Variants in LGSN observed in about 807,000 individuals in gnomAD.
The protein encoded by LGSN is lengsin, lens protein with glutamine synthetase domain, also known as lengsin.
LGSN carries 21 observed loss-of-function variants against 19.5 expected under a neutral mutation model. The observed-to-expected ratio is 1.07, with a 90% confidence interval of 0.76 to 1.55. LGSN has a LOEUF of 1.55. Ranked by LOEUF, LGSN falls within the 40% of genes most tolerant of loss-of-function variation. The pLI, the probability that LGSN is intolerant of heterozygous loss-of-function variation, is 0.00. For synonymous variants in LGSN, 257 were observed against 215.6 expected (o/e 1.19, Z -1.68); for missense variants, 673 against 608.5 (o/e 1.11, Z -1.12).
intron 3 of LGSN, among the ~76,000 whole-genome samples, chr6:63,282,162 T>C (rs1767345650): frequency 1.3e-5 from 2 of 152,184 alleles, no homozygotes; most frequent in African/African-American, 4.8e-5. Flanking sequence ...GGTTATTAAG[T>C]TGAACAGACA....
At chr6:63,495,475 T>TTTTTGTTTTTC in the LGSN span, among the ~76,000 whole-genome samples, 3 of 148,788 alleles carry the variant, frequency 2.0e-5, no homozygotes. Flanking sequence ...TTTTTTTTTT[T>TTTTTGTTTTTC]TGAGATGGAG....
chr6:63,288,907 G>A (rs953978715), intron 2 of LGSN, among the ~76,000 whole-genome samples: 12 of 152,170 alleles, frequency 7.9e-5, no homozygotes, highest in Non-Finnish European at 1.6e-4. Flanking sequence ...TCCAAATTCA[G>A]CCACACTATC....
the LGSN span, among the ~76,000 whole-genome samples, chr6:63,425,986 A>G: frequency 6.6e-6 from 1 of 152,164 alleles, no homozygotes; most frequent in Non-Finnish European, 1.5e-5. Context: ...CTGTCTCTGT[A>G]TTATTCCTTA....
At chr6:63,528,505 G>T in the LGSN span, among the ~76,000 whole-genome samples, 118 of 151,914 alleles carry the variant, frequency 7.8e-4, no homozygotes, top group African/African-American at 2.2e-3. Context: ...TGGACAGATC[G>T]CCTGAGCCCA....
chr6:63,326,790 G>T, the LGSN span, among the ~76,000 whole-genome samples: 4 of 152,158 alleles, frequency 2.6e-5, no homozygotes, highest in Admixed American at 2.6e-4. Context: ...ACTCCAGCTG[G>T]CCCGCAAGTG....
chr6:63,512,610 AT>A, the LGSN span, among the ~76,000 whole-genome samples: 2 of 152,196 alleles, frequency 1.3e-5, no homozygotes, highest in Admixed American at 6.5e-5. Flanking sequence ...TGCAAAGGGT[AT>A]GAGACTACCA....
chr6:63,294,995 T>C lies in LGSN; in HGVS notation c.81A>G (p.Thr27=), dbSNP rs777316983. Residue 27 remains threonine, a synonymous_variant, in exon 2 of 4, where the codon ACA becomes ACG. Coordinates refer to ENST00000370657, the MANE Select transcript of LGSN (RefSeq NM_016571.3). The stretch of plus-strand genomic sequence containing the variant: ...TGACTTTCTTCCTTGTCCTTCTTAA[T>C]GTGTTCATGCTGTTGGCTTCAGTCT... ...GNETEANSMN[T]LRRTRKKVTK... is the part of the protein sequence containing the mutation. 11 of 1,613,766 alleles carry C rather than the reference T, an allele frequency of 6.8e-6. No individual in the cohort carries two copies. In the South Asian group the frequency reaches 8.8e-5, roughly 13 times the overall value.
the LGSN span, among the ~76,000 whole-genome samples, chr6:63,415,193 C>T: frequency 6.6e-6 from 1 of 151,286 alleles, no homozygotes; most frequent in Non-Finnish European, 1.5e-5. Flanking sequence ...TGCTAGTATG[C>T]ACCTGTAATC....
the LGSN span, among the ~76,000 whole-genome samples, chr6:63,476,968 C>T: frequency 6.6e-6 from 1 of 152,198 alleles, no homozygotes; most frequent in Non-Finnish European, 1.5e-5. Context: ...GCATCCTTTA[C>T]TCTGAAGCTA....
rs1389539409 is a variant in LGSN, at chr6:63,319,937, T to C, written c.7A>G (p.Asn3Asp). 1 of 1,609,908 alleles carries C rather than the reference T, an allele frequency of 6.2e-7. No homozygotes were observed. The highest frequency in any genetic ancestry group is 8.5e-7 in the Non-Finnish European group (1 of 1,176,312). The stretch of plus-strand genomic sequence containing the variant: ...ACCTCCTGCAGAAGGTCCTCTTCAT[T>C]ATTCATCTCAACACTTTTTAAGTTC... MN[N>D]EEDLLQEDST... is the part of the protein sequence containing the mutation. Residue 3 changes from asparagine (N) to aspartate (D), a missense_variant, in exon 1 of 4, where the codon AAT becomes GAT. Physicochemically the swap from Asn to Asp is conservative, Grantham distance 23. Transcript: ENST00000370657.
the LGSN span, among the ~76,000 whole-genome samples, chr6:63,569,941 T>G: frequency 5.9e-5 from 9 of 152,348 alleles, no homozygotes; most frequent in African/African-American, 2.2e-4. Flanking sequence ...TGTTCTACTG[T>G]TCTCCAAGAA....
At chr6:63,537,758 C>T in the LGSN span, among the ~76,000 whole-genome samples, 1 of 152,204 alleles carries the variant, frequency 6.6e-6, no homozygotes, top group Non-Finnish European at 1.5e-5. Context: ...AGGGACCCTA[C>T]AGTTTAATTT....
chr6:63,399,514 C>A, the LGSN span, among the ~76,000 whole-genome samples: 1 of 151,522 alleles, frequency 6.6e-6, no homozygotes, highest in Non-Finnish European at 1.5e-5. Context: ...CCTGCCTCAG[C>A]CTCCTGAGTA....
chr6:63,282,669 T>C (rs75410517), intron 3 of LGSN, among the ~76,000 whole-genome samples: 5,454 of 152,282 alleles, frequency 0.036, 332 homozygotes, highest in African/African-American at 0.12. Context: ...CACATATTTT[T>C]GAATGCTATT....
chr6:63,440,143 G>A, the LGSN span, among the ~76,000 whole-genome samples: 1 of 152,170 alleles, frequency 6.6e-6, no homozygotes, highest in Non-Finnish European at 1.5e-5. Flanking sequence ...TATTGATAGG[G>A]ACAGCAGACA....
chr6:63,466,325 T>C, the LGSN span, among the ~76,000 whole-genome samples: 2 of 152,168 alleles, frequency 1.3e-5, no homozygotes, highest in Non-Finnish European at 2.9e-5. Flanking sequence ...AGTGGTGCAA[T>C]CGTAACTCAC....
chr6:63,515,539 A>G, the LGSN span, among the ~76,000 whole-genome samples: 81,528 of 152,130 alleles, frequency 0.54, 23,693 homozygotes, highest in African/African-American at 0.77. Context: ...CCTCTAAAAA[A>G]TATTGATAAA....
chr6:63,376,019 T>C, the LGSN span, among the ~76,000 whole-genome samples: 6 of 152,124 alleles, frequency 3.9e-5, no homozygotes, highest in Admixed American at 3.3e-4. Flanking sequence ...TTAAATATAA[T>C]AGTACTGAAT....
At chr6:63,384,031 A>G in the LGSN span, among the ~76,000 whole-genome samples, 1 of 152,148 alleles carries the variant, frequency 6.6e-6, no homozygotes, top group South Asian at 2.1e-4. Context: ...CCTAGATTTC[A>G]CCACTCCTTA....
Sources: allele counts gnomAD v4.1 joint callset (sites outside exome capture counted in the v4.1 genomes callset), GRCh38; gene constraint gnomAD v4.1.1; transcripts MANE v1.5; gene names NCBI Gene and HGNC (gene_info 2026-07-23, HGNC 2026-07-21).